IL7: variants seen among roughly 807,000 people sequenced by gnomAD.
The protein encoded by IL7 is interleukin 7, also known as interleukin-7.
A neutral mutation model predicts 21.6 loss-of-function variants in IL7; 3 were observed. The ratio of observed to expected loss-of-function variants is 0.14; its 90% CI spans 0.06 to 0.36. The LOEUF is 0.36. Among genes scored for constraint, IL7 ranks in the 10% least tolerant of loss-of-function variants. The pLI is 1.00. For missense variants in IL7, 175 were observed against 200.2 expected, an observed-to-expected ratio of 0.87 and a Z score of 0.76; for synonymous variants, 62 against 68.1, an observed-to-expected ratio of 0.91 and a Z score of 0.44.
At chr8:78,691,721 A>G (rs1312761873) in intron 3 of IL7, among the ~76,000 whole-genome samples, 1 of 151,914 alleles carries the variant, frequency 6.6e-6, no homozygotes, top group Non-Finnish European at 1.5e-5. Context: ...TGCATTTTTG[A>G]AAAGTGATTG....
At chr8:78,792,041 C>T (rs1813714432) in intron 2 of IL7, among the ~76,000 whole-genome samples, 1 of 152,040 alleles carries the variant, frequency 6.6e-6, no homozygotes, top group Admixed American at 6.5e-5. Flanking sequence ...GATTTCAAAA[C>T]TAAACACCAA....
At chr8:78,729,098 C>T (rs1403975157), downstream of IL7, among the ~76,000 whole-genome samples, 1 of 151,856 alleles carries the variant, frequency 6.6e-6, no homozygotes, top group Non-Finnish European at 1.5e-5. Context: ...GTAAATATTG[C>T]CAGTCATGTA....
Position 78,804,955 on chromosome 8 carries a change from C to A in IL7, c.-33G>T, listed in dbSNP as rs755806704. ...GGGAGGCGGGCGTAGTCATGATGACCGCAACTGGAGCAGGAGCAAGCTCTC... is the reference window on the plus strand; with the variant it reads ...GGGAGGCGGGCGTAGTCATGATGACAGCAACTGGAGCAGGAGCAAGCTCTC... On this transcript the variant is annotated 5_prime_UTR_variant, in exon 1 of 6. Coordinates refer to ENST00000263851, the MANE Select transcript of IL7 (RefSeq NM_000880.4). 1 of 1,608,826 alleles carries A rather than the reference C, an allele frequency of 6.2e-7. No individual in the cohort carries two copies. Among genetic ancestry groups the A allele is most frequent in the Admixed American group, 1.7e-5 (1 of 59,598 alleles).
chr8:78,789,334 C>G (rs1412442440), intron 2 of IL7, among the ~76,000 whole-genome samples: 1 of 152,234 alleles, frequency 6.6e-6, no homozygotes, highest in Middle Eastern at 3.4e-3. Context: ...ATATTTTACT[C>G]TAGCATAAAT....
intron 4 of IL7, chr8:78,685,813 G>A (rs1437673708): frequency 6.6e-6 from 1 of 152,194 alleles, no homozygotes; most frequent in African/African-American, 2.4e-5. Flanking sequence ...AATACACTGT[G>A]TTAGTCTCTT....
At chr8:78,759,538 AG>A (rs1296017594) in intron 2 of IL7, among the ~76,000 whole-genome samples, 2 of 152,184 alleles carry the variant, frequency 1.3e-5, no homozygotes, top group African/African-American at 4.8e-5. Context: ...GGCTCCACAA[AG>A]GAATGTAAAC....
At chr8:78,717,245 A>G, downstream of IL7, 1 of 1,293,864 alleles carries the variant, frequency 7.7e-7, no homozygotes, top group Non-Finnish European at 1.0e-6. Flanking sequence ...TAATTGTTAT[A>G]TTTATGTCCT....
At chr8:78,680,638 CA>C (rs1809746559) in intron 4 of IL7, among the ~76,000 whole-genome samples, 1 of 152,062 alleles carries the variant, frequency 6.6e-6, no homozygotes, top group South Asian at 2.1e-4. Flanking sequence ...TTTGGAAAAA[CA>C]AAAGGTAGGC....
At position 78,805,229 on chromosome 8, in the gene IL7, A is replaced by G. The variant is rs1366415364; in HGVS notation, c.-307T>C. On this transcript the variant is annotated 5_prime_UTR_variant, in exon 1 of 6. The change abolishes an upstream ATG in the 5' untranslated region. Coordinates refer to ENST00000263851, the MANE Select transcript of IL7 (RefSeq NM_000880.4). ...GTCTGCAGGTTCAATCTTTGGGATCATCAGCATGGAATCTTCATTATCCCC... is the reference window on the plus strand; with the variant it reads ...GTCTGCAGGTTCAATCTTTGGGATCGTCAGCATGGAATCTTCATTATCCCC... The G allele has an allele frequency of 9.1e-6, 3 of 328,748 alleles. No homozygotes were observed. Among genetic ancestry groups the G allele is most frequent in the South Asian group, 7.5e-5 (1 of 13,406 alleles). The allele number at this position is 328,748 out of a possible 1,614,324, so 20.4% of individuals were successfully genotyped here.
At chr8:78,712,569 C>T (rs1405869701) in intron 3 of IL7, among the ~76,000 whole-genome samples, 1 of 152,066 alleles carries the variant, frequency 6.6e-6, no homozygotes, top group Non-Finnish European at 1.5e-5. Context: ...ATCCAAGGGT[C>T]CTTAGTCTTT....
intron 2 of IL7, chr8:78,762,433 G>T (rs1293594074): frequency 2.5e-6 from 4 of 1,582,868 alleles, no homozygotes; most frequent in Non-Finnish European, 3.4e-6. Flanking sequence ...GTTCGGCATC[G>T]TCGCCCGCCC....
chr8:78,722,959 A>G (rs974216082), intron 3 of IL7, among the ~76,000 whole-genome samples: 4 of 151,704 alleles, frequency 2.6e-5, no homozygotes, highest in African/African-American at 9.7e-5. Flanking sequence ...ATAGCAATCA[A>G]ACATATAAAA....
At chr8:78,704,374 TGA>T (rs1301492893) in intron 3 of IL7, among the ~76,000 whole-genome samples, 1 of 132,324 alleles carries the variant, frequency 7.6e-6, no homozygotes, top group Non-Finnish European at 1.6e-5. Flanking sequence ...GGTGACAGAG[TGA>T]GACTCCATCT....
chr8:78,786,000 A>G (rs1813497553), intron 2 of IL7, among the ~76,000 whole-genome samples: 1 of 152,182 alleles, frequency 6.6e-6, no homozygotes, highest in Admixed American at 6.5e-5. Context: ...TCTTTTTATT[A>G]AAGACTATTT....
At chr8:78,801,654 G>A (rs1404534824) in intron 1 of IL7, among the ~76,000 whole-genome samples, 1 of 152,164 alleles carries the variant, frequency 6.6e-6, no homozygotes, top group African/African-American at 2.4e-5. Context: ...ATCTCTTAAG[G>A]TCACTTACCT....
At chr8:78,736,970 C>T (rs892673050) in intron 4 of IL7, among the ~76,000 whole-genome samples, 1 of 152,100 alleles carries the variant, frequency 6.6e-6, no homozygotes, top group Admixed American at 6.5e-5. Flanking sequence ...GTGCCTGGCT[C>T]ATGAAGAAAA....
At chr8:78,693,606 G>C (rs1442569991) in intron 3 of IL7, among the ~76,000 whole-genome samples, 1 of 151,976 alleles carries the variant, frequency 6.6e-6, no homozygotes, top group Non-Finnish European at 1.5e-5. Flanking sequence ...AAATTTGTTG[G>C]AGTTCATTGT....
intron 3 of IL7, among the ~76,000 whole-genome samples, chr8:78,694,519 A>G (rs1183235609): frequency 6.6e-6 from 1 of 152,172 alleles, no homozygotes; most frequent in African/African-American, 2.4e-5. Flanking sequence ...ATGCAAATTT[A>G]TACAGCAAAT....
At chr8:78,685,719 G>A (rs755216803) in intron 4 of IL7, among the ~76,000 whole-genome samples, 26 of 152,088 alleles carry the variant, frequency 1.7e-4, no homozygotes, top group Admixed American at 3.3e-4. Flanking sequence ...CACAAAGTGA[G>A]GACTATTTTT....
Sources: allele counts gnomAD v4.1 joint callset (sites outside exome capture counted in the v4.1 genomes callset), GRCh38; gene constraint gnomAD v4.1.1; transcripts MANE v1.5; gene names NCBI Gene and HGNC (gene_info 2026-07-23, HGNC 2026-07-21).